The following MMP26 variants were observed in gnomAD, a reference collection of about 807,000 sequenced individuals.
The protein encoded by MMP26 is matrix metallopeptidase 26, also known as matrix metalloproteinase-26.
MMP26 carries 33 observed loss-of-function variants against 31.0 expected under a neutral mutation model. The ratio of observed to expected loss-of-function variants is 1.06; its 90% CI spans 0.81 to 1.42. The LOEUF is 1.42. Among genes scored for constraint, MMP26 ranks in the 40% most tolerant of loss-of-function variants. The pLI, the probability that MMP26 is intolerant of heterozygous loss-of-function variation, is 0.00. For missense variants in MMP26, 347 were observed against 316.1 expected (o/e 1.10, Z -0.74); for synonymous variants, 122 against 114.9 (o/e 1.06, Z -0.40).
intron 2 of MMP26, chr11:4,769,008 C>T (rs1176887374): frequency 6.6e-7 from 1 of 1,519,014 alleles, no homozygotes; most frequent in Non-Finnish European, 8.8e-7. Flanking sequence ...CTGAGCATAG[C>T]CTTGCGGATT....
At position 4,769,623 on chromosome 11, in the gene MMP26, A is replaced by G. The variant is rs748526015; in HGVS notation, c.-145+2282A>G. 8 of 1,607,214 alleles carry G rather than the reference A, an allele frequency of 5.0e-6. No individual in the cohort carries two copies. The East Asian group carries it at 6.7e-5, about 13-fold the overall frequency. ...TGAAGAAAAAACATCTGGACAATGC[A>G]GCTATATAGACTGATTTCACGTGCC... On this transcript the variant is annotated intron_variant, in intron 2 of 7. Coordinates refer to ENST00000380390, the MANE Select transcript of MMP26 (RefSeq NM_021801.5).
chr11:4,892,464 G>T (rs543835139), intron 2 of MMP26, among the ~76,000 whole-genome samples: 1 of 152,200 alleles, frequency 6.6e-6, no homozygotes, highest in Non-Finnish European at 1.5e-5. Context: ...CCTGTGATTT[G>T]CTATTTATGT....
In MMP26 at chr11:4,957,681, T is replaced by C. The variant is rs560069786; in HGVS notation, c.-144-30387T>C. Among the ~76,000 whole-genome samples, 5 of 152,038 alleles carry C rather than the reference T, an allele frequency of 3.3e-5. No individual in the cohort carries two copies. The South Asian group carries it at 1.0e-3, about 32-fold the overall frequency. ...GCTCATTTATCACACACACTTCTGTTTTTTTTTCTTTTTTTTTTGGAGATA... is the reference window on the plus strand; with the variant it reads ...GCTCATTTATCACACACACTTCTGTCTTTTTTTCTTTTTTTTTTGGAGATA... On this transcript the variant is annotated intron_variant, in intron 2 of 7. Transcript: ENST00000380390.
intron 2 of MMP26, among the ~76,000 whole-genome samples, chr11:4,810,179 T>C (rs1452766359): frequency 1.3e-5 from 2 of 151,810 alleles, no homozygotes; most frequent in Admixed American, 1.3e-4. Context: ...TGAATGCTTG[T>C]GCAAAAAAGG....
chr11:4,785,354 A>T (rs1848925949), intron 2 of MMP26, among the ~76,000 whole-genome samples: 1 of 152,294 alleles, frequency 6.6e-6, no homozygotes. Flanking sequence ...CCCCTAATTC[A>T]TATCTAGGTA....
At chr11:4,774,847 G>A (rs1289377090) in intron 2 of MMP26, among the ~76,000 whole-genome samples, 1 of 152,096 alleles carries the variant, frequency 6.6e-6, no homozygotes, top group Non-Finnish European at 1.5e-5. Flanking sequence ...TTTGCAAATG[G>A]ATAGCTAGTT....
intron 2 of MMP26, chr11:4,882,976 C>T (rs1238628111): frequency 2.2e-5 from 21 of 952,528 alleles, no homozygotes; most frequent in Middle Eastern, 2.3e-4. Context: ...TGAGTCAATT[C>T]CAATTGAATT....
intron 1 of MMP26, among the ~76,000 whole-genome samples, chr11:4,747,445 A>G (rs1027738464): frequency 6.6e-6 from 1 of 152,244 alleles, no homozygotes; most frequent in African/African-American, 2.4e-5. Flanking sequence ...ATGCATATAA[A>G]TATAAAAAGA....
At chr11:4,856,037 C>T (rs1337153823) in intron 2 of MMP26, among the ~76,000 whole-genome samples, 1 of 152,146 alleles carries the variant, frequency 6.6e-6, no homozygotes, top group Admixed American at 6.5e-5. Context: ...GATTTTGTCA[C>T]CACCAGGCCT....
intron 1 of MMP26, among the ~76,000 whole-genome samples, chr11:4,748,828 G>A (rs117196201): frequency 0.025 from 3,845 of 152,092 alleles, 73 homozygotes; most frequent in Middle Eastern, 0.058. Flanking sequence ...CAAACCTGCA[G>A]CCAACATCAT....
intron 2 of MMP26, among the ~76,000 whole-genome samples, chr11:4,809,862 G>A (rs748650519): frequency 6.6e-6 from 1 of 152,134 alleles, no homozygotes; most frequent in Non-Finnish European, 1.5e-5. Flanking sequence ...AATGCTTTCT[G>A]TGATGGGCAG....
chr11:4,923,999 G>A (rs10836954), intron 2 of MMP26: 93,319 of 1,614,086 alleles, frequency 0.058, 3,845 homozygotes, highest in East Asian at 0.25. Context: ...CAGAACTGAT[G>A]ACTCCATTGA....
At chr11:4,969,758 A>G (rs529354942) in intron 2 of MMP26, among the ~76,000 whole-genome samples, 1 of 152,266 alleles carries the variant, frequency 6.6e-6, no homozygotes, top group South Asian at 2.1e-4. Context: ...TTTAAACCCA[A>G]GTAAAGTAAA....
intron 2 of MMP26, among the ~76,000 whole-genome samples, chr11:4,880,535 G>C (rs1332918187): frequency 6.6e-6 from 1 of 152,092 alleles, no homozygotes; most frequent in East Asian, 1.9e-4. Context: ...CTCCCTTTCT[G>C]TGGCCATAAT....
chr11:4,928,861 G>A (rs950002375), intron 2 of MMP26, among the ~76,000 whole-genome samples: 4 of 152,214 alleles, frequency 2.6e-5, no homozygotes, highest in Non-Finnish European at 4.4e-5. Flanking sequence ...ACCATTTGCA[G>A]TGGAATATTA....
chr11:4,951,072 T>C lies in MMP26; in HGVS notation c.-144-36996T>C, dbSNP rs1249913185. On this transcript the variant is annotated intron_variant, in intron 2 of 7. Coordinates refer to ENST00000380390, the MANE Select transcript of MMP26 (RefSeq NM_021801.5). ...AGCAAACACATTCTAAGAATGTCTA[T>C]AGGAACTTTATCATATTAGCCAACA... Among the ~76,000 whole-genome samples the C allele has an allele frequency of 5.6e-5, 7 of 124,492 alleles. 1 individual carries two copies. The highest frequency in any genetic ancestry group is 1.3e-4 in the Non-Finnish European group (7 of 54,784). The allele number at this position is 124,492 out of a possible 152,430, so 81.7% of individuals were successfully genotyped here.
At chr11:4,923,832 A>G (rs1047402995) in intron 2 of MMP26, 1 of 1,613,972 alleles carries the variant, frequency 6.2e-7, no homozygotes, top group Non-Finnish European at 8.5e-7. Context: ...GAGTGGCAGT[A>G]TTGGAAGCGC....
intron 1 of MMP26, among the ~76,000 whole-genome samples, chr11:4,756,090 T>C (rs1007922110): frequency 2.0e-5 from 3 of 151,950 alleles, no homozygotes; most frequent in Non-Finnish European, 2.9e-5. Context: ...CATATAGCAT[T>C]ATGGAAAAAC....
chr11:4,915,487 T>C (rs769677640), intron 2 of MMP26: 6 of 1,614,112 alleles, frequency 3.7e-6, no homozygotes, highest in Non-Finnish European at 5.1e-6. Context: ...GTTCATGAAG[T>C]GAGCGCTCTG....
Sources: allele counts gnomAD v4.1 joint callset (sites outside exome capture counted in the v4.1 genomes callset), GRCh38; gene constraint gnomAD v4.1.1; transcripts MANE v1.5; gene names NCBI Gene and HGNC (gene_info 2026-07-23, HGNC 2026-07-21).